Variants in CA11 observed in about 807,000 individuals in gnomAD.
The protein encoded by CA11 is carbonic anhydrase 11 (inactive), also known as carbonic anhydrase-related protein 11.
In CA11, 20 loss-of-function variants were observed where a neutral mutation model predicts 39.3. The ratio of observed to expected loss-of-function variants is 0.51; its 90% CI spans 0.36 to 0.74. The LOEUF is 0.74. CA11 is among the 30% of genes least tolerant of loss of function. The pLI, the probability that CA11 is intolerant of heterozygous loss-of-function variation, is 0.00. For missense variants in CA11, 336 were observed against 424.6 expected (o/e 0.79, Z 1.83); for synonymous variants, 166 against 172.5 (o/e 0.96, Z 0.29).
intron 7 of CA11, 42 bp downstream of exon 7, chr19:48,639,263 G>A (rs1033271237): frequency 1.2e-6 from 2 of 1,604,738 alleles, no homozygotes; most frequent in African/African-American, 2.7e-5. Flanking sequence ...CCAGTGAGTG[G>A]AGTACCCAGG....
Position 48,640,177 on chromosome 19 carries a change from AGTCG to A in CA11, c.385_388del (p.Arg129SerfsTer93). On this transcript the variant is annotated frameshift_variant, in exon 4 of 9. Transcript: ENST00000084798. LOFTEE classifies it high-confidence loss of function. ...TCCAAACAGCAGCCGCAGTTCACTG[AGTCG>A]GTGGCTGTAAAGGAGGGGACCTCCA... 6.2e-7 allele frequency: 1 copy of A among 1,614,062 alleles called. No individual in the cohort carries two copies. The highest frequency in any genetic ancestry group is 8.5e-7 in the Non-Finnish European group (1 of 1,180,012).
Position 48,643,998 on chromosome 19 carries a change from G to A in CA11, c.285+429C>T, listed in dbSNP as rs190658218. 6.6e-6 allele frequency among the ~76,000 whole-genome samples: 1 copy of A among 152,152 alleles called. No individual in the cohort carries two copies. The highest frequency in any genetic ancestry group is 1.9e-4 in the East Asian group (1 of 5,170). ...TGTAATCCCAACTACTCGGGAGGCT[G>A]GGGCAGGAGAATCGCTTGAACCTGG... On this transcript the variant is annotated intron_variant, in intron 3 of 8. Coordinates refer to ENST00000084798, the MANE Select transcript of CA11 (RefSeq NM_001217.5). The surrounding 1 kb of genome is among the most constrained non-coding windows in gnomAD (Gnocchi z 4.3).
chr19:48,638,413 CG>C, intron 8 of CA11: 6 of 970,534 alleles, frequency 6.2e-6, no homozygotes, highest in African/African-American at 1.9e-5. Flanking sequence ...GTTGCGAAGC[CG>C]GGGGTGTGTG....
Position 48,645,914 on chromosome 19 carries a change from C to G in CA11, c.-282G>C. On this transcript the variant is annotated 5_prime_UTR_variant, in exon 1 of 9. Transcript: ENST00000084798. Reference sequence around the variant, plus strand: ...TAGCTCCTGATCTTCCTACTCCTCTCAGCCTTCTGCTGCCCCCAGGGCTAC... The same window carrying G: ...TAGCTCCTGATCTTCCTACTCCTCTGAGCCTTCTGCTGCCCCCAGGGCTAC... 2.1e-6 allele frequency: 1 copy of G among 480,670 alleles called. No homozygotes were observed. The highest frequency in any genetic ancestry group is 3.6e-6 in the Non-Finnish European group (1 of 275,384). 29.8% of individuals were successfully genotyped at this position (480,670 alleles called of 1,614,324 possible).
chr19:48,644,515 T>C lies in CA11; in HGVS notation c.197A>G (p.Lys66Arg). ...NAAWSLCAVG[K>R]RQSPVDVELK... The stretch of plus-strand genomic sequence containing the variant: ...CTCCACATCCACGGGGCTCTGCCGC[T>C]TCCCCACAGCACACAGACTCCACGC... Residue 66 changes from lysine (K) to arginine (R), a missense_variant, in exon 3 of 9, where the codon AAG becomes AGG. By Grantham distance (26) the Lys-to-Arg change is conservative. Coordinates refer to ENST00000084798, the MANE Select transcript of CA11 (RefSeq NM_001217.5). 1.9e-6 allele frequency: 3 copies of C among 1,611,916 alleles called. No homozygotes were observed. In the South Asian group the frequency reaches 3.3e-5, roughly 18 times the overall value.
At position 48,640,219 on chromosome 19, in the gene CA11, AC is replaced by A; in HGVS notation, c.346del (p.Val116TrpfsTer107). 6.2e-7 allele frequency: 1 copy of A among 1,613,936 alleles called. No individual in the cohort carries two copies. Among genetic ancestry groups the A allele is most frequent in the Non-Finnish European group, 8.5e-7 (1 of 1,179,956 alleles). The part of the protein sequence containing the change: ...HVSFLPAPRP[V>X]VNVSGGPLLY... ...GAGGGGACCTCCAGACACATTGACCACAGGTCGGGGTGCAGGCAGGAAGGAG... is the reference window on the plus strand; with the variant it reads ...GAGGGGACCTCCAGACACATTGACCAAGGTCGGGGTGCAGGCAGGAAGGAG... On this transcript the variant is annotated frameshift_variant, in exon 4 of 9. Transcript: ENST00000084798. LOFTEE classifies it high-confidence loss of function.
In CA11 at chr19:48,639,048, G is replaced by C; in HGVS notation, c.801C>G (p.His267Gln). 1 of 1,613,990 alleles carries C rather than the reference G, an allele frequency of 6.2e-7. No individual in the cohort carries two copies. The highest frequency in any genetic ancestry group is 8.5e-7 in the Non-Finnish European group (1 of 1,179,946). Reference protein sequence around the residue: ...RALNITSLQMHSLRLLSQNPP... With the variant: ...RALNITSLQMQSLRLLSQNPP... ...GATTCTGGCTCAGGAGTCTCAGGGA[G>C]TGCATCTGCAGTGGAAGGAGGGTGG... Residue 267 changes from histidine to glutamine, a missense_variant, in exon 8 of 9, where the codon CAC (histidine) becomes CAG (glutamine). By Grantham distance (24) the His-to-Gln change is conservative. Coordinates refer to ENST00000084798, the MANE Select transcript of CA11 (RefSeq NM_001217.5).
In CA11 at chr19:48,643,775, G is replaced by C. The variant is rs1031061048; in HGVS notation, c.285+652C>G. Among the ~76,000 whole-genome samples the C allele has an allele frequency of 6.6e-6, 1 of 152,070 alleles. No individual in the cohort carries two copies. The highest frequency in any genetic ancestry group is 1.5e-5 in the Non-Finnish European group (1 of 68,030). ...ACTTAACCTCTGTGTGTCAGTTTCT[G>C]CATGTATATAATAAGGTTAATAATT... On this transcript the variant is annotated intron_variant, in intron 3 of 8. Transcript: ENST00000084798. This position sits in a 1 kb window ranked among gnomAD's most constrained non-coding sequence, Gnocchi z 4.3.
At position 48,645,469 on chromosome 19, in the gene CA11, C is replaced by G. The variant is rs774274941; in HGVS notation, c.76G>C (p.Gly26Arg). ...CAGTCCTCGGGGTCAGGTGCTGGTCCGATGTGAGCTGGGAAGAGAGCAGCC... is the reference window on the plus strand; with the variant it reads ...CAGTCCTCGGGGTCAGGTGCTGGTCGGATGTGAGCTGGGAAGAGAGCAGCC... The part of the protein sequence containing the change: ...WAALGAAAHI[G>R]PAPDPEDWWS... The change falls in exon 2 of 9, where the codon GGA (glycine) becomes CGA (arginine). Residue 26 changes from glycine to arginine, a missense_variant. Physicochemically the swap from Gly to Arg is moderately radical, Grantham distance 125. Coordinates refer to ENST00000084798, the MANE Select transcript of CA11 (RefSeq NM_001217.5). The G allele has an allele frequency of 1.2e-6, 2 of 1,602,996 alleles. No individual in the cohort carries two copies. The highest frequency in any genetic ancestry group is 2.2e-5 in the South Asian group (2 of 89,300).
chr19:48,644,277 T>C, intron 3 of CA11, 150 bp downstream of exon 3: 2 of 534,560 alleles, frequency 3.7e-6, no homozygotes, highest in Non-Finnish European at 6.2e-6. Context: ...GAATGGGTGA[T>C]CCATTTTACA....
In CA11 at chr19:48,644,548, A is replaced by G; in HGVS notation, c.164T>C (p.Val55Ala). Residue 55 changes from valine to alanine, a missense_variant, in exon 3 of 9, where the codon GTG becomes GCG. Val to Ala is a moderately conservative substitution (Grantham distance 64). Coordinates refer to ENST00000084798, the MANE Select transcript of CA11 (RefSeq NM_001217.5). ...FVPGPPFWGL[V>A]NAAWSLCAVG... ...AGCACACAGACTCCACGCTGCATTC[A>G]CCAGGCCCCAGAAAGGAGGCCCTGG... 1 of 1,597,788 alleles carries G rather than the reference A, an allele frequency of 6.3e-7. No homozygotes were observed. Among genetic ancestry groups the G allele is most frequent in the Non-Finnish European group, 8.5e-7 (1 of 1,170,716 alleles).
intron 8 of CA11, chr19:48,638,357 C>A: frequency 1.3e-6 from 1 of 744,400 alleles, no homozygotes; most frequent in Non-Finnish European, 1.6e-6. Flanking sequence ...GTAGGCTGAA[C>A]TACTTGAAGG....
chr19:48,639,283 G>A, intron 7 of CA11, 22 bp downstream of exon 7: 1 of 1,611,928 alleles, frequency 6.2e-7, no homozygotes, highest in Non-Finnish European at 8.5e-7. Flanking sequence ...GCCTAGGAAG[G>A]GCGGTGCGGA....
At chr19:48,642,817 A>G (rs1457907352) in intron 3 of CA11, among the ~76,000 whole-genome samples, 1 of 152,184 alleles carries the variant, frequency 6.6e-6, no homozygotes, top group Non-Finnish European at 1.5e-5. Context: ...ATTTAGCAGC[A>G]AGGCTAGAAA....
intron 3 of CA11, 69 bp from the exon 4 acceptor site, chr19:48,640,349 T>G (rs1601188122): frequency 8.6e-7 from 1 of 1,156,886 alleles, no homozygotes; most frequent in East Asian, 2.4e-5. Context: ...CACGCCTACA[T>G]TTTCTGATTC....
At chr19:48,642,812 G>A (rs892835514) in intron 3 of CA11, among the ~76,000 whole-genome samples, 1 of 152,170 alleles carries the variant, frequency 6.6e-6, no homozygotes. Flanking sequence ...ATAATATTTA[G>A]CAGCAAGGCT....
At chr19:48,644,262 G>A (rs2031178207) in intron 3 of CA11, among the ~76,000 whole-genome samples, 165 bp downstream of exon 3, 1 of 152,062 alleles carries the variant, frequency 6.6e-6, no homozygotes, top group African/African-American at 2.4e-5. Context: ...TGCTTGGGAT[G>A]GGAAGAATGG....
Position 48,639,473 on chromosome 19 carries a change from A to G in CA11, c.641-14T>C. On this transcript the variant is annotated splice_polypyrimidine_tract_variant and intron_variant, in intron 6 of 8. Coordinates refer to ENST00000084798, the MANE Select transcript of CA11 (RefSeq NM_001217.5). The stretch of plus-strand genomic sequence containing the variant: ...AGTAGGCATCATCTGCGGGAATATC[A>G]GGCCAGAGTAAAGAGGGATGGCACT... The G allele has an allele frequency of 3.1e-6, 5 of 1,613,952 alleles. No individual in the cohort carries two copies. Among genetic ancestry groups the G allele is most frequent in the Non-Finnish European group, 3.4e-6 (4 of 1,179,934 alleles).
Position 48,638,041 on chromosome 19 carries a change from T to G in CA11, c.*78A>C. On this transcript the variant is annotated 3_prime_UTR_variant, in exon 9 of 9. Transcript: ENST00000084798. Reference sequence around the variant, plus strand: ...AACAGGAAGTATTCTGTCCCTTTAATAGCTTTGTTTTAGGGGTAACTCCCC... The same window carrying G: ...AACAGGAAGTATTCTGTCCCTTTAAGAGCTTTGTTTTAGGGGTAACTCCCC... 9.4e-7 allele frequency: 1 copy of G among 1,065,274 alleles called. No individual in the cohort carries two copies. Among genetic ancestry groups the G allele is most frequent in the Non-Finnish European group, 1.3e-6 (1 of 766,390 alleles). The allele number at this position is 1,065,274 out of a possible 1,614,324, so 66.0% of individuals were successfully genotyped here.
Sources: allele counts gnomAD v4.1 joint callset (sites outside exome capture counted in the v4.1 genomes callset), GRCh38; gene constraint gnomAD v4.1.1; non-coding constraint Gnocchi (gnomAD v3.1); transcripts MANE v1.5; gene names NCBI Gene and HGNC (gene_info 2026-07-23, HGNC 2026-07-21).